Variants in SLC4A10 observed in about 807,000 individuals in gnomAD.
SLC4A10 encodes sodium-driven chloride bicarbonate exchanger.
A neutral mutation model predicts 137.7 loss-of-function variants in SLC4A10; 42 were observed. The observed-to-expected ratio is 0.30, with a 90% confidence interval of 0.24 to 0.39. The LOEUF (loss-of-function observed/expected upper bound fraction) is 0.39. Ranked by LOEUF, SLC4A10 falls within the 10% of genes least tolerant of loss-of-function variation. The pLI, the probability that SLC4A10 is intolerant of heterozygous loss-of-function variation, is 1.00. For synonymous variants in SLC4A10, 474 were observed against 464.1 expected (o/e 1.02, Z -0.27); for missense variants, 925 against 1,355.0 (o/e 0.68, Z 4.98).
At chr2:161,666,207 G>A (rs1236435219) in intron 1 of SLC4A10, among the ~76,000 whole-genome samples, 2 of 151,334 alleles carry the variant, frequency 1.3e-5, no homozygotes, top group African/African-American at 2.4e-5. Flanking sequence ...AATAATGAAC[G>A]GTTTTTGATA....
At chr2:161,978,555 G>A (rs770651229) in intron 26 of SLC4A10, among the ~76,000 whole-genome samples, 177 of 152,104 alleles carry the variant, frequency 1.2e-3, no homozygotes, top group Non-Finnish European at 4.4e-4. Context: ...ATTAGACTTA[G>A]AGAATATATC....
chr2:161,703,329 A>G (rs2043315439), intron 1 of SLC4A10, among the ~76,000 whole-genome samples: 1 of 151,770 alleles, frequency 6.6e-6, no homozygotes, highest in African/African-American at 2.4e-5. Context: ...TTGATAGAAT[A>G]CCAGTTAGCC....
chr2:161,839,746 T>C (rs2059059806), intron 3 of SLC4A10, 43 bp from the exon 4 acceptor site: 1 of 1,608,026 alleles, frequency 6.2e-7, no homozygotes, highest in African/African-American at 1.3e-5. Context: ...CTCAGGGTCG[T>C]GGTAATACAT....
intron 4 of SLC4A10, among the ~76,000 whole-genome samples, chr2:161,845,109 A>C (rs1039458926): frequency 4.6e-5 from 7 of 152,140 alleles, no homozygotes; most frequent in African/African-American, 1.7e-4. Flanking sequence ...GCATTTTGCA[A>C]CTGACAGTAT....
chr2:161,639,795 T>G (rs958645354), intron 1 of SLC4A10, among the ~76,000 whole-genome samples: 3 of 152,072 alleles, frequency 2.0e-5, no homozygotes, highest in African/African-American at 7.2e-5. Context: ...AAGAAAGAAA[T>G]AAAGGTCATT....
At chr2:161,962,111 C>T (rs4500960) in intron 21 of SLC4A10, among the ~76,000 whole-genome samples, 72,433 of 151,970 alleles carry the variant, frequency 0.48, 17,440 homozygotes, top group South Asian at 0.65. Flanking sequence ...TCCAGCAGCA[C>T]GTTACTGTCT....
At chr2:161,812,324 C>T (rs985984966) in intron 3 of SLC4A10, among the ~76,000 whole-genome samples, 2 of 151,994 alleles carry the variant, frequency 1.3e-5, no homozygotes, top group East Asian at 3.9e-4. Flanking sequence ...TTTCTTTGCT[C>T]ATATCCCTCT....
At chr2:161,851,731 A>G (rs1445262799) in intron 4 of SLC4A10, among the ~76,000 whole-genome samples, 3 of 152,290 alleles carry the variant, frequency 2.0e-5, no homozygotes, top group Non-Finnish European at 4.4e-5. Flanking sequence ...TGAATTTGTT[A>G]TTAATGTTAT....
intron 15 of SLC4A10, among the ~76,000 whole-genome samples, chr2:161,933,232 T>TTTCTTTC (rs1181826491): frequency 2.7e-5 from 4 of 147,180 alleles, no homozygotes; most frequent in Non-Finnish European, 6.0e-5. Context: ...TCTTTCTTTC[T>TTTCTTTC]TTCTTTCTTT....
Position 161,760,483 on chromosome 2 carries a change from G to A in SLC4A10, c.49-10490G>A, listed in dbSNP as rs1056820004. Reference sequence around the variant, plus strand: ...TTCTTTCCAGGCATTGAGATTTTAAGGAGAACCAAATCACTAGCTTGGCAG... The same window carrying A: ...TTCTTTCCAGGCATTGAGATTTTAAAGAGAACCAAATCACTAGCTTGGCAG... On this transcript the variant is annotated intron_variant, in intron 1 of 26. Coordinates refer to ENST00000446997, the MANE Select transcript of SLC4A10 (RefSeq NM_001178015.2). Among the ~76,000 whole-genome samples the A allele has an allele frequency of 2.6e-5, 4 of 151,994 alleles. No individual in the cohort carries two copies. The South Asian group carries it at 8.3e-4, about 32-fold the overall frequency.
chr2:161,842,242 T>C (rs1559370593), intron 4 of SLC4A10, among the ~76,000 whole-genome samples: 1 of 152,302 alleles, frequency 6.6e-6, no homozygotes, highest in Admixed American at 6.5e-5. Context: ...ATTTTTTCCT[T>C]TGATAAATAC....
intron 26 of SLC4A10, among the ~76,000 whole-genome samples, chr2:161,978,966 G>A (rs1324959527): frequency 6.6e-6 from 1 of 152,148 alleles, no homozygotes; most frequent in Non-Finnish European, 1.5e-5. Flanking sequence ...TGTTTTGCTA[G>A]TACTTTTGAA....
chr2:161,804,527 A>G lies in SLC4A10; in HGVS notation c.209A>G (p.His70Arg), dbSNP rs544770669. Residue 70 changes from histidine to arginine, a missense_variant, in exon 3 of 27, where the codon CAT (histidine) becomes CGT (arginine). Physicochemically the swap from His to Arg is conservative, Grantham distance 29. This residue lies in a region of SLC4A10 where 138 missense variants were observed against 171.3 expected (regional missense o/e 0.81). Transcript: ENST00000446997. ...KSHRRHRHRG[H>R]KHRKRDRERD... is the part of the protein sequence containing the mutation. ...CATCGACGTCACAGGCATCGTGGTCATAAACACAGAAAGAGAGACAGAGAA... is the reference window on the plus strand; with the variant it reads ...CATCGACGTCACAGGCATCGTGGTCGTAAACACAGAAAGAGAGACAGAGAA... 5 of 1,613,294 alleles carry G rather than the reference A, an allele frequency of 3.1e-6. No homozygotes were observed. The African/African-American group carries it at 4.0e-5, about 13-fold the overall frequency.
intron 5 of SLC4A10, among the ~76,000 whole-genome samples, chr2:161,859,300 T>TCTTTTCTTTTCTTTTC (rs199954968): frequency 1.5e-5 from 2 of 133,346 alleles, no homozygotes; most frequent in Non-Finnish European, 3.3e-5. Context: ...TCTTTTCTTT[T>TCTTTTCTTTTCTTTTC]TTTTTTTTTT....
intron 26 of SLC4A10, among the ~76,000 whole-genome samples, chr2:161,979,046 C>A (rs1015228533): frequency 6.6e-6 from 1 of 152,060 alleles, no homozygotes; most frequent in East Asian, 1.9e-4. Context: ...ATGAAAAATA[C>A]GACATTTCTC....
chr2:161,955,594 G>T (rs749773640), intron 19 of SLC4A10, among the ~76,000 whole-genome samples: 1 of 152,096 alleles, frequency 6.6e-6, no homozygotes, highest in Non-Finnish European at 1.5e-5. Context: ...ATCATCTCTT[G>T]CACTTTTATA....
intron 1 of SLC4A10, among the ~76,000 whole-genome samples, chr2:161,707,631 G>A (rs1290004916): frequency 6.6e-6 from 1 of 151,368 alleles, no homozygotes; most frequent in Non-Finnish European, 1.5e-5. Context: ...AAAGAAAACA[G>A]TACTCAAACT....
intron 1 of SLC4A10, among the ~76,000 whole-genome samples, chr2:161,632,512 G>A (rs1223481740): frequency 2.6e-5 from 4 of 151,572 alleles, no homozygotes; most frequent in African/African-American, 4.8e-5. Flanking sequence ...GCATAACCAT[G>A]TACTTTGTAG....
intron 2 of SLC4A10, among the ~76,000 whole-genome samples, chr2:161,794,622 G>C (rs1213869843): frequency 6.6e-6 from 1 of 152,048 alleles, no homozygotes; most frequent in Non-Finnish European, 1.5e-5. Context: ...TTCACATTGG[G>C]TATAGAACAT....
Sources: gnomAD v4.1 joint callset for allele counts (sites outside exome capture counted in the v4.1 genomes callset) on GRCh38, gnomAD v4.1.1 for gene constraint, gnomAD v4.1.1 regional missense constraint, MANE v1.5 for transcripts, NCBI Gene and HGNC (gene_info 2026-07-23, HGNC 2026-07-21) for gene names.